Variants in SGCD observed in about 807,000 individuals in gnomAD.
SGCD encodes sarcoglycan delta.
SGCD carries 18 observed loss-of-function variants against 36.6 expected under a neutral mutation model. The ratio of observed to expected loss-of-function variants is 0.49; its 90% CI spans 0.34 to 0.73. The LOEUF (loss-of-function observed/expected upper bound fraction) is 0.73, where lower values mean the gene tolerates loss of function less well. Ranked by LOEUF, SGCD falls within the 30% of genes least tolerant of loss-of-function variation. The probability of loss-of-function intolerance (pLI) is 0.01; values close to 1 mark genes in which losing one functional copy is unlikely to be tolerated. For synonymous variants in SGCD, 133 were observed against 130.6 expected (o/e 1.02, Z -0.12); for missense variants, 387 against 346.7 (o/e 1.12, Z -0.92).
At chr5:156,162,670 C>G (rs1763111531) in intron 3 of SGCD, among the ~76,000 whole-genome samples, 1 of 151,620 alleles carries the variant, frequency 6.6e-6, no homozygotes, top group Non-Finnish European at 1.5e-5. Context: ...ACCTCCTGTT[C>G]TCTCAACTGA....
intron 3 of SGCD, among the ~76,000 whole-genome samples, chr5:156,170,388 G>C (rs1243154728): frequency 6.6e-6 from 1 of 152,146 alleles, no homozygotes; most frequent in African/African-American, 2.4e-5. Context: ...GTTGTAATGG[G>C]TAAATTTTGA....
At chr5:156,570,174 A>G (rs752145038) in intron 4 of SGCD, among the ~76,000 whole-genome samples, 2 of 152,214 alleles carry the variant, frequency 1.3e-5, no homozygotes, top group Non-Finnish European at 2.9e-5. Context: ...AATTTGATTT[A>G]TAATTTAATG....
chr5:156,070,874 T>C (rs574018382), intron 1 of SGCD, among the ~76,000 whole-genome samples: 7 of 152,184 alleles, frequency 4.6e-5, no homozygotes, highest in South Asian at 2.1e-4. Flanking sequence ...GTGTATGTGA[T>C]GAGGAATTTA....
At chr5:155,815,940 T>C in the SGCD span, among the ~76,000 whole-genome samples, 2,975 of 152,270 alleles carry the variant, frequency 0.02, 94 homozygotes, top group African/African-American at 0.069. Flanking sequence ...GGTGGTCGTA[T>C]TTACAAGTAA....
At chr5:156,117,602 A>G (rs1025974455) in intron 1 of SGCD, among the ~76,000 whole-genome samples, 3 of 152,292 alleles carry the variant, frequency 2.0e-5, no homozygotes, top group Admixed American at 1.3e-4. Context: ...TCTAGATGCT[A>G]TTCTAAGTGC....
the SGCD span, among the ~76,000 whole-genome samples, chr5:155,792,038 T>C: frequency 6.6e-5 from 10 of 152,046 alleles, no homozygotes; most frequent in Admixed American, 2.6e-4. Context: ...CAAAACAACA[T>C]GATGCTGGTA....
chr5:156,253,353 A>G (rs905840832), intron 3 of SGCD, among the ~76,000 whole-genome samples: 2 of 152,176 alleles, frequency 1.3e-5, no homozygotes, highest in Non-Finnish European at 2.9e-5. Context: ...ATCTGTTCAA[A>G]TGACTAGGAG....
chr5:156,034,065 G>A (rs972715603), intron 1 of SGCD, among the ~76,000 whole-genome samples: 1 of 152,120 alleles, frequency 6.6e-6, no homozygotes, highest in Non-Finnish European at 1.5e-5. Context: ...GGTATGCCCT[G>A]CCAATTTTTA....
chr5:155,914,553 C>T (rs144115284), intron 1 of SGCD, among the ~76,000 whole-genome samples: 40 of 152,228 alleles, frequency 2.6e-4, no homozygotes, highest in Middle Eastern at 3.4e-3. Flanking sequence ...TATCCTTGAT[C>T]ACAGGCAATA....
At chr5:156,354,981 T>C (rs546405447) in intron 3 of SGCD, among the ~76,000 whole-genome samples, 1 of 152,372 alleles carries the variant, frequency 6.6e-6, no homozygotes, top group African/African-American at 2.4e-5. Flanking sequence ...ATGATCTTTC[T>C]AGAATGACAC....
At chr5:156,249,228 A>G (rs1036763140) in intron 3 of SGCD, among the ~76,000 whole-genome samples, 10 of 152,192 alleles carry the variant, frequency 6.6e-5, no homozygotes, top group Admixed American at 2.0e-4. Context: ...GGAAGAAGGC[A>G]AACTTGTCAT....
the SGCD span, among the ~76,000 whole-genome samples, chr5:155,744,147 T>C: frequency 6.6e-6 from 1 of 152,154 alleles, no homozygotes; most frequent in Non-Finnish European, 1.5e-5. Flanking sequence ...TCAGAGAATA[T>C]GAAATTACTG....
chr5:156,106,555 G>T (rs181965225), intron 1 of SGCD, among the ~76,000 whole-genome samples: 4 of 152,240 alleles, frequency 2.6e-5, no homozygotes, highest in African/African-American at 9.6e-5. Flanking sequence ...AGAAAATGGG[G>T]TCTGCTATGT....
intron 3 of SGCD, among the ~76,000 whole-genome samples, chr5:156,321,288 T>C (rs982538358): frequency 7.2e-5 from 11 of 151,844 alleles, no homozygotes; most frequent in African/African-American, 2.4e-4. Flanking sequence ...GGCATGGTGG[T>C]GGGCGCCTGT....
intron 3 of SGCD, among the ~76,000 whole-genome samples, chr5:156,478,326 G>A (rs767010563): frequency 7.9e-5 from 12 of 152,188 alleles, no homozygotes; most frequent in Non-Finnish European, 1.5e-4. Context: ...CACTGATGGC[G>A]TTAATGCCCC....
the SGCD span, among the ~76,000 whole-genome samples, chr5:155,822,349 C>T: frequency 6.6e-6 from 1 of 152,218 alleles, no homozygotes; most frequent in Non-Finnish European, 1.5e-5. Context: ...AGGGTACAGG[C>T]TGGGTTTCAG....
At chr5:156,701,789 G>A (rs1178242483) in intron 7 of SGCD, among the ~76,000 whole-genome samples, 1 of 152,100 alleles carries the variant, frequency 6.6e-6, no homozygotes, top group East Asian at 1.9e-4. Flanking sequence ...TTGAGAACTT[G>A]AAGATTCCCA....
chr5:155,988,264 A>G (rs1041335556), intron 1 of SGCD, among the ~76,000 whole-genome samples: 59 of 152,246 alleles, frequency 3.9e-4, no homozygotes, highest in Non-Finnish European at 1.5e-5. Flanking sequence ...GCGCTTTTAA[A>G]GCATAAAGAA....
At position 155,981,565 on chromosome 5, in the gene SGCD, C is replaced by A. The variant is rs535586238; in HGVS notation, c.-282+111141C>A. Among the ~76,000 whole-genome samples the A allele has an allele frequency of 6.6e-5, 10 of 152,260 alleles. 1 individual carries two copies. The highest frequency in any genetic ancestry group is 2.4e-4 in the African/African-American group (10 of 41,556). ...CGTTGGGTGGCCCCAATGTTCATGCCTTTACTCCAAGTGGTTGCCCTTTAC... is the reference window on the plus strand; with the variant it reads ...CGTTGGGTGGCCCCAATGTTCATGCATTTACTCCAAGTGGTTGCCCTTTAC... On this transcript the variant is annotated intron_variant, in intron 1 of 9. Coordinates refer to the SGCD transcript ENST00000517913.
Sources: gnomAD v4.1 joint callset for allele counts (sites outside exome capture counted in the v4.1 genomes callset) on GRCh38, gnomAD v4.1.1 for gene constraint, MANE v1.5 for transcripts, NCBI Gene and HGNC (gene_info 2026-07-23, HGNC 2026-07-21) for gene names.